Variants in PCDH9 observed in about 807,000 individuals in gnomAD.
The protein encoded by PCDH9 is protocadherin 9, also known as protocadherin-9.
Under a neutral mutation model 70.6 loss-of-function variants are expected in PCDH9, and 24 were observed. That is an observed-to-expected ratio of 0.34 (90% CI 0.25 to 0.48). The LOEUF is 0.48. Among genes scored for constraint, PCDH9 ranks in the 20% least tolerant of loss-of-function variants. PCDH9 has a pLI of 0.99. For missense variants in PCDH9, 1,281 were observed against 1,503.6 expected (o/e 0.85, Z 2.45); for synonymous variants, 562 against 558.5 (o/e 1.01, Z -0.09).
chr13:66,832,481 T>C (rs2080944990), intron 3 of PCDH9, among the ~76,000 whole-genome samples: 1 of 152,114 alleles, frequency 6.6e-6, no homozygotes, highest in African/African-American at 2.4e-5. Flanking sequence ...CTACAAAATA[T>C]GAATATTTTA....
intron 4 of PCDH9, among the ~76,000 whole-genome samples, chr13:66,508,252 AG>A (rs1316376413): frequency 6.6e-6 from 1 of 152,176 alleles, no homozygotes; most frequent in Admixed American, 6.6e-5. Context: ...TGTGGGGATT[AG>A]GGGAGGAGGG....
intron 3 of PCDH9, among the ~76,000 whole-genome samples, chr13:66,843,189 G>C (rs1463548935): frequency 6.6e-6 from 1 of 152,154 alleles, no homozygotes; most frequent in Non-Finnish European, 1.5e-5. Context: ...TCCCTGCTTT[G>C]AGATTTAAGT....
chr13:66,314,742 A>T (rs890629422), intron 4 of PCDH9, among the ~76,000 whole-genome samples: 1 of 152,204 alleles, frequency 6.6e-6, no homozygotes, highest in Non-Finnish European at 1.5e-5. Flanking sequence ...TCAATGCAGG[A>T]AAAAAGGTAT....
chr13:66,960,415 T>C (rs2083327816), intron 2 of PCDH9, among the ~76,000 whole-genome samples: 1 of 152,170 alleles, frequency 6.6e-6, no homozygotes, highest in Admixed American at 6.5e-5. Context: ...CTGTCTTTCA[T>C]TCAGTAATTT....
chr13:66,697,996 T>C (rs1432244570), intron 3 of PCDH9, among the ~76,000 whole-genome samples: 1 of 152,162 alleles, frequency 6.6e-6, no homozygotes, highest in Non-Finnish European at 1.5e-5. Flanking sequence ...ACATAAAAAT[T>C]ATTATGCTAA....
At chr13:67,063,475 C>A (rs2085579401) in intron 2 of PCDH9, among the ~76,000 whole-genome samples, 1 of 151,244 alleles carries the variant, frequency 6.6e-6, no homozygotes, top group African/African-American at 2.4e-5. Flanking sequence ...ATTAAAATTC[C>A]ATTTAGCTTA....
intron 2 of PCDH9, among the ~76,000 whole-genome samples, chr13:67,014,709 A>T (rs2084523901): frequency 6.6e-6 from 1 of 151,964 alleles, no homozygotes; most frequent in African/African-American, 2.4e-5. Context: ...AAGTGGCCCA[A>T]TTAGTTTTGA....
Position 66,529,713 on chromosome 13 carries a change from C to T in PCDH9, c.3340+101497G>A, listed in dbSNP as rs561582831. Among the ~76,000 whole-genome samples the T allele has an allele frequency of 3.9e-5, 6 of 151,952 alleles. No individual in the cohort carries two copies. In the South Asian group the frequency reaches 1.3e-3, roughly 32 times the overall value. The stretch of plus-strand genomic sequence containing the variant: ...CACTGATTTGTTTTGCCTCTTGCTT[C>T]TTATATCTCTTTTACATGGCAGGTA... On this transcript the variant is annotated intron_variant, in intron 4 of 4. Coordinates refer to ENST00000377865, the MANE Select transcript of PCDH9 (RefSeq NM_203487.3).
chr13:66,904,250 A>G (rs191407395), intron 2 of PCDH9, among the ~76,000 whole-genome samples: 3 of 152,190 alleles, frequency 2.0e-5, no homozygotes, highest in Non-Finnish European at 4.4e-5. Flanking sequence ...GGAAATTGAC[A>G]TGAATTATAG....
chr13:67,199,881 A>G (rs2089167019), intron 2 of PCDH9, among the ~76,000 whole-genome samples: 1 of 152,056 alleles, frequency 6.6e-6, no homozygotes, highest in African/African-American at 2.4e-5. Context: ...TGAGAACCTC[A>G]AAGCAAGCTG....
intron 3 of PCDH9, among the ~76,000 whole-genome samples, chr13:66,862,691 A>AT (rs2081504583): frequency 6.6e-6 from 1 of 152,130 alleles, no homozygotes; most frequent in South Asian, 2.1e-4. Context: ...AATGAAGTCC[A>AT]TTTTTTCCTA....
intron 3 of PCDH9, among the ~76,000 whole-genome samples, chr13:66,661,907 G>T (rs369992144): frequency 6.6e-6 from 1 of 152,068 alleles, no homozygotes; most frequent in Admixed American, 6.6e-5. Context: ...CACGCTTTAC[G>T]AAATCATCAC....
At chr13:66,501,131 A>G (rs972344516) in intron 4 of PCDH9, among the ~76,000 whole-genome samples, 3 of 152,164 alleles carry the variant, frequency 2.0e-5, no homozygotes, top group African/African-American at 7.2e-5. Flanking sequence ...AAACTTAAGA[A>G]CTGCTAAAAA....
chr13:67,184,852 C>T (rs1019304135), intron 2 of PCDH9, among the ~76,000 whole-genome samples: 1 of 152,180 alleles, frequency 6.6e-6, no homozygotes, highest in Non-Finnish European at 1.5e-5. Context: ...TTTCTATTCA[C>T]GAGGAGTGAC....
chr13:66,868,912 C>T (rs1192287458), intron 3 of PCDH9, among the ~76,000 whole-genome samples: 1 of 152,094 alleles, frequency 6.6e-6, no homozygotes, highest in East Asian at 1.9e-4. Flanking sequence ...AACTTACAGA[C>T]TAGCATGATA....
intron 4 of PCDH9, among the ~76,000 whole-genome samples, chr13:66,532,507 C>T (rs2138636098): frequency 6.6e-6 from 1 of 152,134 alleles, no homozygotes; most frequent in East Asian, 1.9e-4. Context: ...AATCGAAATG[C>T]TATTTTATTG....
intron 4 of PCDH9, among the ~76,000 whole-genome samples, chr13:66,603,641 C>T (rs2077188475): frequency 6.6e-6 from 1 of 152,066 alleles, no homozygotes; most frequent in African/African-American, 2.4e-5. Context: ...TCATTCACCA[C>T]TTTTGGATGT....
At chr13:67,060,407 G>A (rs148788342) in intron 2 of PCDH9, among the ~76,000 whole-genome samples, 5 of 151,984 alleles carry the variant, frequency 3.3e-5, no homozygotes, top group Non-Finnish European at 1.5e-5. Context: ...CTTCAACCAC[G>A]AACACCTGGC....
At chr13:66,398,429 A>G (rs1044110456) in intron 4 of PCDH9, among the ~76,000 whole-genome samples, 1 of 152,158 alleles carries the variant, frequency 6.6e-6, no homozygotes, top group African/African-American at 2.4e-5. Context: ...GGAGATTTAG[A>G]GACATTTAAA....
Sources: gnomAD v4.1 joint callset for allele counts (sites outside exome capture counted in the v4.1 genomes callset) on GRCh38, gnomAD v4.1.1 for gene constraint, MANE v1.5 for transcripts, NCBI Gene and HGNC (gene_info 2026-07-23, HGNC 2026-07-21) for gene names.